The following TUBB8 variants were observed in gnomAD, a reference collection of about 807,000 sequenced individuals.
The protein encoded by TUBB8 is tubulin beta-8 chain.
A neutral mutation model predicts 33.7 loss-of-function variants in TUBB8; 25 were observed. The ratio of observed to expected loss-of-function variants is 0.74; its 90% CI spans 0.54 to 1.04. The LOEUF (loss-of-function observed/expected upper bound fraction) is 1.04, where lower values mean the gene tolerates loss of function less well. TUBB8 is among the 50% of genes least tolerant of loss of function. The probability of loss-of-function intolerance (pLI) is 0.00; values close to 1 mark genes in which losing one functional copy is unlikely to be tolerated. For missense variants in TUBB8, 279 were observed against 608.0 expected, an observed-to-expected ratio of 0.46 and a Z score of 5.69; for synonymous variants, 245 against 240.1, an observed-to-expected ratio of 1.02 and a Z score of -0.19.
chr10:62,496 A>G (rs1554741030), intron 1 of TUBB8, among the ~76,000 whole-genome samples: 1 of 152,152 alleles, frequency 6.6e-6, no homozygotes, highest in East Asian at 1.9e-4. Flanking sequence ...TTACTGGTTT[A>G]TTGTTTACTC....
In TUBB8 at chr10:47,074, C is replaced by T. The variant is rs1238551886; in HGVS notation, c.1318G>A (p.Glu440Lys). Residue 440 changes from glutamate (E) to lysine (K), a missense_variant, in exon 4 of 4, where the codon GAG becomes AAG. By Grantham distance (56) the Glu-to-Lys change is moderately conservative. Coordinates refer to ENST00000568584, the MANE Select transcript of TUBB8 (RefSeq NM_177987.3). ...GGAGAGTTCTAGGCCACCTCCTCCT[C>T]GGCATACTCCTCATCCTCCTCCTCC... Reference protein sequence around the residue: ...AEEEEDEEYAEEEVA With the variant: ...AEEEEDEEYAKEEVA 1.5e-5 allele frequency: 19 copies of T among 1,237,710 alleles called. No individual in the cohort carries two copies. Among genetic ancestry groups the T allele is most frequent in the South Asian group, 5.0e-5 (4 of 80,500 alleles). The allele number at this position is 1,237,710 out of a possible 1,614,324, so 76.7% of individuals were successfully genotyped here. A position where few individuals can be genotyped will look rare whatever the true frequency, so the allele number is the denominator to read the frequency against.
At chr10:67,712 A>G (rs1834688625) in intron 1 of TUBB8, among the ~76,000 whole-genome samples, 1 of 152,238 alleles carries the variant, frequency 6.6e-6, no homozygotes, top group African/African-American at 2.4e-5. Flanking sequence ...GGCGTGAGCC[A>G]CCATGCTCAG....
chr10:61,990 G>A (rs1279135008), intron 1 of TUBB8, among the ~76,000 whole-genome samples: 1 of 90,902 alleles, frequency 1.1e-5, no homozygotes, highest in African/African-American at 3.9e-5. Flanking sequence ...TATCTTTATA[G>A]GTAAAGTATT....
chr10:56,241 C>G (rs371057335), intron 1 of TUBB8, among the ~76,000 whole-genome samples: 1 of 140,736 alleles, frequency 7.1e-6, no homozygotes, highest in Non-Finnish European at 1.6e-5. Context: ...GTGGCTATTG[C>G]AAATAGGATT....
rs559918934 is a variant in TUBB8, at chr10:46,905, C to T, written c.*152G>A. On this transcript the variant is annotated 3_prime_UTR_variant, in exon 4 of 4. Coordinates refer to ENST00000568584, the MANE Select transcript of TUBB8 (RefSeq NM_177987.3). ...GGCAAAACCAGATGCTGTGAGAATA[C>T]TTTATTAGTCAAAACCGCATACTAT... 9 of 565,232 alleles carry T rather than the reference C, an allele frequency of 1.6e-5. No homozygotes were observed. Among genetic ancestry groups the T allele is most frequent in the African/African-American group, 1.0e-4 (5 of 49,184 alleles). The allele number at this position is 565,232 out of a possible 1,614,324, so 35.0% of individuals were successfully genotyped here.
intron 1 of TUBB8, among the ~76,000 whole-genome samples, chr10:61,216 A>T (rs1413007617): frequency 6.6e-6 from 1 of 152,226 alleles, no homozygotes; most frequent in Non-Finnish European, 1.5e-5. Flanking sequence ...CCTAAAACTT[A>T]AAGTATAATA....
intron 1 of TUBB8, among the ~76,000 whole-genome samples, chr10:57,377 T>C (rs9702438): frequency 0.19 from 24,702 of 129,656 alleles, no homozygotes; most frequent in African/African-American, 0.33. Context: ...GGACTGTAAC[T>C]CTACATTTCT....
In TUBB8 at chr10:47,015, G is replaced by T; in HGVS notation, c.*42C>A. The T allele has an allele frequency of 2.9e-6, 2 of 679,376 alleles. No homozygotes were observed. Among genetic ancestry groups the T allele is most frequent in the East Asian group, 2.7e-5 (1 of 37,592 alleles). 42.1% of individuals were successfully genotyped at this position (679,376 alleles called of 1,614,324 possible). ...CACATGGCTGTCAGAACACAGTAAA[G>T]AATCCACACTGCTTCCCCCCTTTAC... On this transcript the variant is annotated 3_prime_UTR_variant, in exon 4 of 4. Coordinates refer to ENST00000568584, the MANE Select transcript of TUBB8 (RefSeq NM_177987.3).
intron 1 of TUBB8, among the ~76,000 whole-genome samples, chr10:58,504 G>T (rs1834560487): frequency 6.6e-6 from 1 of 152,218 alleles, no homozygotes; most frequent in Non-Finnish European, 1.5e-5. Flanking sequence ...TGATTCTACA[G>T]GCTGTAGAGA....
chr10:61,523 A>G (rs1834601402), intron 1 of TUBB8, among the ~76,000 whole-genome samples: 1 of 152,244 alleles, frequency 6.6e-6, no homozygotes, highest in Non-Finnish European at 1.5e-5. Context: ...TACTTAACAT[A>G]TGGTCTATCC....
chr10:51,211 A>G (rs1834464821), upstream of TUBB8, among the ~76,000 whole-genome samples: 1 of 152,090 alleles, frequency 6.6e-6, no homozygotes, highest in Non-Finnish European at 1.5e-5. Flanking sequence ...GCTGGGTTCA[A>G]GCGATTCCTG....
At chr10:48,402 A>C in intron 3 of TUBB8, 1 of 642,320 alleles carries the variant, frequency 1.6e-6, no homozygotes, top group South Asian at 1.9e-5. Context: ...TCTTGCAGGG[A>C]GTTTACATCA....
In TUBB8 at chr10:48,717, A is replaced by G. The variant is rs1343467877; in HGVS notation, c.175T>C (p.Tyr59His). The change falls in exon 3 of 4, where the codon TAC becomes CAC. Residue 59 changes from tyrosine to histidine, a missense_variant. By Grantham distance (83) the Tyr-to-His change is moderately conservative (BLOSUM62 2). Transcript: ENST00000568584. ...VYYNEASGGR[Y>H]VPRAVLVDLE... is the part of the protein sequence containing the mutation. ...TCCACGAGCACAGCGCGGGGCACGT[A>G]CCTGCCACCTGCGTGGGGCGGGAGG... 3 of 1,611,122 alleles carry G rather than the reference A, an allele frequency of 1.9e-6. No individual in the cohort carries two copies. The highest frequency in any genetic ancestry group is 2.2e-5 in the East Asian group (1 of 44,864).
intron 1 of TUBB8, among the ~76,000 whole-genome samples, chr10:59,515 A>G (rs1588277368): frequency 6.6e-6 from 1 of 152,228 alleles, no homozygotes; most frequent in South Asian, 2.1e-4. Flanking sequence ...ATGATATATC[A>G]CATTGACTGA....
At chr10:66,322 A>T (rs182594445) in intron 1 of TUBB8, among the ~76,000 whole-genome samples, 17 of 152,362 alleles carry the variant, frequency 1.1e-4, no homozygotes, top group Non-Finnish European at 1.5e-5. Flanking sequence ...ATTTCCAGAC[A>T]CCAGCAACAA....
chr10:50,787 G>A (rs145316910), upstream of TUBB8, among the ~76,000 whole-genome samples: 1 of 152,356 alleles, frequency 6.6e-6, no homozygotes, highest in African/African-American at 2.4e-5. Context: ...GAGCTGCTGA[G>A]GTCGAAGCCA....
Position 47,756 on chromosome 10 carries a change from G to C in TUBB8, c.636C>G (p.Ser212=). The change falls in exon 4 of 4, where the codon TCC becomes TCG. Residue 212 remains serine (S), a synonymous_variant. Coordinates refer to ENST00000568584, the MANE Select transcript of TUBB8 (RefSeq NM_177987.3). ...IDNEALYDIC[S]KTLKLPTPTY... ...TGGGTGTGGGCAGTTTTAGGGTCTT[G>C]GAACATATGTCATACAGAGCTTCGT... 6.2e-7 allele frequency: 1 copy of C among 1,613,880 alleles called. No homozygotes were observed. Among genetic ancestry groups the C allele is most frequent in the Non-Finnish European group, 8.5e-7 (1 of 1,180,042 alleles).
chr10:50,709 G>A (rs1271698386), upstream of TUBB8, among the ~76,000 whole-genome samples: 1 of 152,190 alleles, frequency 6.6e-6, no homozygotes, highest in Admixed American at 6.5e-5. Flanking sequence ...TGGAATCAGT[G>A]TAAATGTTAA....
chr10:48,744 C>T lies in TUBB8; in HGVS notation c.167-19G>A, dbSNP rs571294465. On this transcript the variant is annotated intron_variant, in intron 2 of 3. Transcript: ENST00000568584. ...CTGCCACCTGCGTGGGGCGGGAGGG[C>T]ATGAGCGAGGGGAGGGCCGCGTTCC... The T allele has an allele frequency of 6.2e-6, 10 of 1,600,952 alleles. No individual in the cohort carries two copies. The highest frequency in any genetic ancestry group is 8.5e-6 in the Non-Finnish European group (10 of 1,170,030).
Sources: gnomAD v4.1 joint callset for allele counts (sites outside exome capture counted in the v4.1 genomes callset) on GRCh38, gnomAD v4.1.1 for gene constraint, MANE v1.5 for transcripts, NCBI Gene and HGNC (gene_info 2026-07-23, HGNC 2026-07-21) for gene names.